The following ITGAM variants were observed in gnomAD, a reference collection of about 807,000 sequenced individuals.
The protein encoded by ITGAM is integrin alpha-M.
Under a neutral mutation model 137.5 loss-of-function variants are expected in ITGAM, and 79 were observed. The observed-to-expected ratio is 0.57, with a 90% CI of 0.48 to 0.69. ITGAM has a LOEUF of 0.69. Ranked by LOEUF, ITGAM falls within the 30% of genes least tolerant of loss-of-function variation. The probability of loss-of-function intolerance (pLI) is 0.00; values close to 1 mark genes in which losing one functional copy is unlikely to be tolerated. For synonymous variants in ITGAM, 583 were observed against 592.3 expected (o/e 0.98, Z 0.23); for missense variants, 1,343 against 1,483.5 (o/e 0.91, Z 1.56).
chr16:31,302,495 C>T (rs866757215), intron 14 of ITGAM, among the ~76,000 whole-genome samples: 162 of 54,962 alleles, frequency 2.9e-3, no homozygotes, highest in Middle Eastern at 9.6e-3. Context: ...TTTTTCTTTC[C>T]TTCTTTCTTT....
chr16:31,321,591 C>T lies in ITGAM; in HGVS notation c.1966C>T (p.His656Tyr), dbSNP rs1166851594. 2.5e-6 allele frequency: 4 copies of T among 1,613,910 alleles called. No homozygotes were observed. The highest frequency in any genetic ancestry group is 1.1e-5 in the South Asian group (1 of 91,074). Residue 656 changes from histidine to tyrosine, a missense_variant, in exon 16 of 30, where the codon CAT becomes TAT. By Grantham distance (83) the His-to-Tyr change is moderately conservative. Coordinates refer to ENST00000544665, the MANE Select transcript of ITGAM (RefSeq NM_000632.4). ...AGCCGGAGAGGTCAGAGTCTGCCTC[C>T]ATGTCCAGAAGAGCACACGGGATCG... ...KEAGEVRVCLHVQKSTRDRLR... is the reference protein window; with the variant it reads ...KEAGEVRVCLYVQKSTRDRLR...
At chr16:31,291,659 C>T (rs1159561732) in intron 12 of ITGAM, among the ~76,000 whole-genome samples, 1 of 151,864 alleles carries the variant, frequency 6.6e-6, no homozygotes, top group Admixed American at 6.6e-5. Flanking sequence ...AACTGGAGGA[C>T]ATTATGTTAA....
At chr16:31,331,584 G>A (rs574682352) in intron 29 of ITGAM, 52 bp from the exon 30 acceptor site, 33 of 1,406,294 alleles carry the variant, frequency 2.3e-5, no homozygotes, top group African/African-American at 2.1e-4. Context: ...GGTCTGCGGA[G>A]CCGCACGCTC....
chr16:31,297,043 A>G (rs995164310), intron 12 of ITGAM, among the ~76,000 whole-genome samples: 2 of 152,118 alleles, frequency 1.3e-5, no homozygotes, highest in African/African-American at 4.8e-5. Flanking sequence ...TTTTCTATGT[A>G]TTTTCCAACC....
At chr16:31,300,216 T>A (rs972083055) in intron 14 of ITGAM, among the ~76,000 whole-genome samples, 5 of 152,218 alleles carry the variant, frequency 3.3e-5, no homozygotes, top group African/African-American at 7.2e-5. Flanking sequence ...ACATCCTGGC[T>A]ATTGTGAATA....
At chr16:31,295,777 G>T (rs1204177363) in intron 12 of ITGAM, among the ~76,000 whole-genome samples, 1 of 151,994 alleles carries the variant, frequency 6.6e-6, no homozygotes, top group Non-Finnish European at 1.5e-5. Context: ...TAGTGAGAGT[G>T]AGCATTCTTG....
rs751375330 is a variant in ITGAM at position 31,277,977 on chromosome 16, C to T, written c.1224C>T (p.Ala408=). The part of the protein sequence containing the change: ...DMNDAYLGYA[A]AIILRNRVQS... Reference sequence around the variant, plus strand: ...GACCCCCACCTTCAGGTTATGCTGCCGCCATCATCTTACGGAACCGGGTGC... The same window carrying T: ...GACCCCCACCTTCAGGTTATGCTGCTGCCATCATCTTACGGAACCGGGTGC... Residue 408 remains alanine (A), a synonymous_variant, in exon 12 of 30, where the codon GCC becomes GCT. Transcript: ENST00000544665. The T allele has an allele frequency of 1.6e-5, 25 of 1,596,990 alleles. No individual in the cohort carries two copies. Among genetic ancestry groups the T allele is most frequent in the African/African-American group, 2.7e-5 (2 of 74,538 alleles).
At chr16:31,307,059 ATGGTTTGAAG>A (rs903843867) in intron 14 of ITGAM, among the ~76,000 whole-genome samples, 1 of 152,208 alleles carries the variant, frequency 6.6e-6, no homozygotes, top group African/African-American at 2.4e-5. Flanking sequence ...GCCTGGTAGT[ATGGTTTGAAG>A]TCAGGTAGCG....
At chr16:31,302,976 CTTTCTTTCTTTCT>C (rs1354511007) in intron 14 of ITGAM, among the ~76,000 whole-genome samples, 1 of 94,764 alleles carries the variant, frequency 1.1e-5, no homozygotes, top group Non-Finnish European at 2.2e-5. Flanking sequence ...TTCTTTCTTT[CTTTCTTTCTTTCT>C]TTCTTTCTTT....
rs2080582102 is a variant in ITGAM, at chr16:31,331,479, G to A, written c.3388-157G>A. 6 of 676,954 alleles carry A rather than the reference G, an allele frequency of 8.9e-6. 1 individual carries two copies. The East Asian group carries it at 1.6e-4, about 19-fold the overall frequency. 41.9% of individuals were successfully genotyped at this position (676,954 alleles called of 1,614,324 possible). On this transcript the variant is annotated intron_variant, in intron 29 of 29. Transcript: ENST00000544665. ...ACGAGTCGCCCTCCTTGTAGTTTCT[G>A]TTTTTCTCCAGGCCCCGACGCGGAT...
chr16:31,298,855 C>T (rs1024661471), intron 14 of ITGAM, among the ~76,000 whole-genome samples: 7 of 152,176 alleles, frequency 4.6e-5, no homozygotes, highest in African/African-American at 1.7e-4. Flanking sequence ...GGAGCCCATC[C>T]TGATGACTTG....
At chr16:31,263,856 G>A (rs1030830171) in intron 2 of ITGAM, among the ~76,000 whole-genome samples, 5 of 145,262 alleles carry the variant, frequency 3.4e-5, no homozygotes, top group Non-Finnish European at 7.5e-5. Flanking sequence ...TATTTATTGA[G>A]ATGGAGTCTC....
chr16:31,263,369 C>A (rs1047815685), intron 2 of ITGAM, among the ~76,000 whole-genome samples: 6 of 152,218 alleles, frequency 3.9e-5, no homozygotes, highest in African/African-American at 1.4e-4. Flanking sequence ...AAGGCTAGGA[C>A]TGGGATTGTG....
In ITGAM at chr16:31,324,575, C is replaced by G. The variant is rs1045799417; in HGVS notation, c.2157+22C>G. ...GCCGGTGAGCAGGCTAGTGGCCAGA[C>G]CCCTGGGTCTTCCAAGCATGGAGTG... is the stretch of plus-strand genomic sequence containing the variant. On this transcript the variant is annotated intron_variant, in intron 17 of 29. Coordinates refer to ENST00000544665, the MANE Select transcript of ITGAM (RefSeq NM_000632.4). The surrounding 1 kb of genome is among the most constrained non-coding windows in gnomAD (Gnocchi z 4.5). The G allele has an allele frequency of 1.9e-6, 3 of 1,609,960 alleles. No individual in the cohort carries two copies. Among genetic ancestry groups the G allele is most frequent in the Non-Finnish European group, 2.5e-6 (3 of 1,178,296 alleles).
chr16:31,316,876 A>T (rs1471075328), intron 14 of ITGAM, among the ~76,000 whole-genome samples: 1 of 152,062 alleles, frequency 6.6e-6, no homozygotes, highest in Non-Finnish European at 1.5e-5. Flanking sequence ...TGTAAATAGG[A>T]TTAATTTCTT....
At chr16:31,312,177 C>G (rs1167531079) in intron 14 of ITGAM, among the ~76,000 whole-genome samples, 2 of 149,260 alleles carry the variant, frequency 1.3e-5, no homozygotes, top group African/African-American at 2.5e-5. Flanking sequence ...GGAGATATAC[C>G]TAATGCTAAA....
intron 12 of ITGAM, among the ~76,000 whole-genome samples, chr16:31,293,824 G>A (rs1234416304): frequency 1.3e-5 from 2 of 152,102 alleles, no homozygotes; most frequent in Non-Finnish European, 2.9e-5. Flanking sequence ...AATTGCTTTG[G>A]GAAGTGTGTC....
At position 31,331,276 on chromosome 16, in the gene ITGAM, G is replaced by C. The variant is rs748740838; in HGVS notation, c.3387+1G>C. On this transcript the variant is annotated splice_donor_variant, in intron 29 of 29. Coordinates refer to ENST00000544665, the MANE Select transcript of ITGAM (RefSeq NM_000632.4). LOFTEE classifies it high-confidence loss of function. The stretch of plus-strand genomic sequence containing the variant: ...CCTCATCACCGCCGCGCTGTACAAG[G>C]TGCTCCCCGCTGCTCCCCCACCCCC... 6.3e-7 allele frequency: 1 copy of C among 1,589,682 alleles called. No individual in the cohort carries two copies. Among genetic ancestry groups the C allele is most frequent in the Non-Finnish European group, 8.6e-7 (1 of 1,160,932 alleles).
intron 21 of ITGAM, among the ~76,000 whole-genome samples, chr16:31,325,948 C>T (rs1454897238): frequency 6.6e-6 from 1 of 152,022 alleles, no homozygotes; most frequent in East Asian, 1.9e-4. Flanking sequence ...CACCTGTAGT[C>T]CCAGCTACTC....
Sources: gnomAD v4.1 joint callset for allele counts (sites outside exome capture counted in the v4.1 genomes callset) on GRCh38, gnomAD v4.1.1 for gene constraint, Gnocchi (gnomAD v3.1) non-coding constraint, MANE v1.5 for transcripts, NCBI Gene and HGNC (gene_info 2026-07-23, HGNC 2026-07-21) for gene names.